Variants in SYNDIG1L observed in about 807,000 individuals in gnomAD.
SYNDIG1L encodes synapse differentiation-inducing gene protein 1-like.
A neutral mutation model predicts 20.1 loss-of-function variants in SYNDIG1L; 13 were observed. That is an observed-to-expected ratio of 0.65 (90% CI 0.42 to 1.03). The LOEUF is 1.03. SYNDIG1L is among the 50% of genes least tolerant of loss of function. The probability of loss-of-function intolerance (pLI) is 0.00; values close to 1 mark genes in which losing one functional copy is unlikely to be tolerated. For missense variants in SYNDIG1L, 294 were observed against 305.1 expected, an observed-to-expected ratio of 0.96 and a Z score of 0.27; for synonymous variants, 128 against 129.3, an observed-to-expected ratio of 0.99 and a Z score of 0.07.
the SYNDIG1L span, among the ~76,000 whole-genome samples, chr14:74,437,739 C>T: frequency 1.3e-5 from 2 of 152,216 alleles, no homozygotes; most frequent in African/African-American, 2.4e-5. Flanking sequence ...TATTAGCAAA[C>T]AATTGGTTGC....
chr14:74,419,391 T>C (rs1486941682), intron 1 of SYNDIG1L, among the ~76,000 whole-genome samples: 1 of 152,144 alleles, frequency 6.6e-6, no homozygotes, highest in Non-Finnish European at 1.5e-5. Context: ...CAATAGACAG[T>C]GGATCTCATG....
the SYNDIG1L span, among the ~76,000 whole-genome samples, chr14:74,437,777 A>G: frequency 1.9e-4 from 29 of 152,280 alleles, no homozygotes; most frequent in Non-Finnish European, 2.9e-4. Context: ...CATTGTGTCA[A>G]TCTCTCTTTA....
At chr14:74,431,098 C>G (rs2086299416), upstream of SYNDIG1L, among the ~76,000 whole-genome samples, 1 of 152,184 alleles carries the variant, frequency 6.6e-6, no homozygotes, top group South Asian at 2.1e-4. Context: ...AAGAGGCCTT[C>G]TTTGCCTTCA....
chr14:74,463,077 G>A, the SYNDIG1L span, among the ~76,000 whole-genome samples: 1 of 152,210 alleles, frequency 6.6e-6, no homozygotes, highest in Non-Finnish European at 1.5e-5. Flanking sequence ...TCTTGAGAGA[G>A]TCGTGCACAT....
At chr14:74,410,719 G>A (rs1033095483) in intron 1 of SYNDIG1L, among the ~76,000 whole-genome samples, 15 of 152,194 alleles carry the variant, frequency 9.9e-5, no homozygotes, top group South Asian at 4.2e-4. Flanking sequence ...GAATGGGAGC[G>A]CGCTGAGTCC....
Position 74,409,668 on chromosome 14 carries a change from G to A in SYNDIG1L, c.77C>T (p.Pro26Leu), listed in dbSNP as rs367970781. 39 of 1,498,058 alleles carry A rather than the reference G, an allele frequency of 2.6e-5. No individual in the cohort carries two copies. Among genetic ancestry groups the A allele is most frequent in the East Asian group, 9.4e-5 (4 of 42,376 alleles). 92.8% of individuals were successfully genotyped at this position (1,498,058 alleles called of 1,614,324 possible). The change falls in exon 2 of 4, where the codon CCG becomes CTG. Residue 26 changes from proline to leucine, a missense_variant. Physicochemically the swap from Pro to Leu is moderately conservative, Grantham distance 98. Transcript: ENST00000331628. ...PAHLHGPYPYPETPPSWSCQE... is the reference protein window; with the variant it reads ...PAHLHGPYPYLETPPSWSCQE... ...GCAGGACCAGCTGGGTGGGGTCTCC[G>A]GGTAGGGATAGGGGCCATGGAGATG...
the SYNDIG1L span, chr14:74,476,702 C>T: frequency 2.7e-6 from 2 of 752,768 alleles, no homozygotes; most frequent in South Asian, 1.8e-5. Flanking sequence ...GCCACCTATG[C>T]AGGCCATCTC....
At chr14:74,452,992 C>T in the SYNDIG1L span, among the ~76,000 whole-genome samples, 5 of 152,270 alleles carry the variant, frequency 3.3e-5, no homozygotes, top group African/African-American at 1.2e-4. Context: ...AGTGTACATA[C>T]AGTATTACTC....
At chr14:74,477,118 A>AACACAC in the SYNDIG1L span, among the ~76,000 whole-genome samples, 1,873 of 83,138 alleles carry the variant, frequency 0.023, 209 homozygotes, top group South Asian at 0.091. Flanking sequence ...CCCCATTCCC[A>AACACAC]ACACACACAC....
chr14:74,412,926 G>A (rs765003204), intron 1 of SYNDIG1L, among the ~76,000 whole-genome samples: 18 of 152,192 alleles, frequency 1.2e-4, no homozygotes, highest in Non-Finnish European at 2.5e-4. Context: ...CATGTGGGCT[G>A]AGGCATGCAG....
chr14:74,427,576 G>A (rs774274547), upstream of SYNDIG1L, among the ~76,000 whole-genome samples: 7 of 152,128 alleles, frequency 4.6e-5, no homozygotes, highest in Non-Finnish European at 8.8e-5. Flanking sequence ...CTGTCTCAGG[G>A]CTGGTATTGG....
chr14:74,408,053 A>G, intron 2 of SYNDIG1L, 64 bp from the exon 3 acceptor site: 2 of 1,522,342 alleles, frequency 1.3e-6, no homozygotes, highest in Non-Finnish European at 1.8e-6. Flanking sequence ...GGCTGGCAAG[A>G]GGTTTTTTAA....
intron 2 of SYNDIG1L, 106 bp downstream of exon 2, chr14:74,409,222 G>T: frequency 2.4e-6 from 2 of 830,454 alleles, no homozygotes; most frequent in Non-Finnish European, 3.6e-6. Context: ...GGGACCACAG[G>T]CACATGCCAC....
chr14:74,410,005 C>A (rs1015506681), intron 1 of SYNDIG1L, among the ~76,000 whole-genome samples: 1 of 152,206 alleles, frequency 6.6e-6, no homozygotes, highest in Non-Finnish European at 1.5e-5. Context: ...GTAGTGCTTA[C>A]CCCACAGAGT....
At chr14:74,458,419 C>T in the SYNDIG1L span, among the ~76,000 whole-genome samples, 5 of 151,352 alleles carry the variant, frequency 3.3e-5, no homozygotes, top group African/African-American at 1.2e-4. Flanking sequence ...GAGTTCAAAA[C>T]CAGCCTGGCC....
At position 74,412,330 on chromosome 14, in the gene SYNDIG1L, G is replaced by A. The variant is rs563014754; in HGVS notation, c.-57-2529C>T. On this transcript the variant is annotated intron_variant, in intron 1 of 3. Coordinates refer to ENST00000331628, the MANE Select transcript of SYNDIG1L (RefSeq NM_001105579.2). Reference sequence around the variant, plus strand: ...CTGCCATGGTCTCCCTTCTCCCAGTGGATGTGACCGTAGGTGTGGGGTTGA... The same window carrying A: ...CTGCCATGGTCTCCCTTCTCCCAGTAGATGTGACCGTAGGTGTGGGGTTGA... Among the ~76,000 whole-genome samples, 59 of 152,290 alleles carry A rather than the reference G, an allele frequency of 3.9e-4. 2 individuals are homozygous for A. The South Asian group carries it at 0.012, about 30-fold the overall frequency.
chr14:74,443,925 T>C, the SYNDIG1L span, among the ~76,000 whole-genome samples: 5 of 152,236 alleles, frequency 3.3e-5, no homozygotes, highest in South Asian at 8.3e-4. Context: ...TTACATTTCA[T>C]GAAGCATTCA....
chr14:74,431,002 G>GA (rs924959298), upstream of SYNDIG1L, among the ~76,000 whole-genome samples: 1 of 151,934 alleles, frequency 6.6e-6, no homozygotes, highest in Admixed American at 6.6e-5. Context: ...CAAGCCAAAA[G>GA]AAAAAAAATG....
chr14:74,412,514 A>T (rs1370512379), intron 1 of SYNDIG1L, among the ~76,000 whole-genome samples: 3 of 152,168 alleles, frequency 2.0e-5, no homozygotes, highest in Non-Finnish European at 1.5e-5. Flanking sequence ...TAGCACTAAC[A>T]TTCCATGATC....
Sources: allele counts gnomAD v4.1 joint callset (sites outside exome capture counted in the v4.1 genomes callset), GRCh38; gene constraint gnomAD v4.1.1; transcripts MANE v1.5; gene names NCBI Gene and HGNC (gene_info 2026-07-23, HGNC 2026-07-21).